Variants in RGPD2 observed in about 807,000 individuals in gnomAD.
RGPD2 encodes the protein RANBP2-like and GRIP domain-containing protein 2.
A neutral mutation model predicts 36.0 loss-of-function variants in RGPD2; 2 were observed. The observed-to-expected ratio is 0.06, with a 90% CI of 0.02 to 0.17. The LOEUF is 0.17. RGPD2 is among the 10% of genes least tolerant of loss of function. The pLI is 1.00. For missense variants in RGPD2, 40 were observed against 464.3 expected (o/e 0.09, Z 8.40); for synonymous variants, 19 against 163.8 (o/e 0.12, Z 6.75).
chr2:87,868,959 C>T, the RGPD2 span, among the ~76,000 whole-genome samples: 5 of 151,028 alleles, frequency 3.3e-5, no homozygotes, highest in African/African-American at 7.3e-5. Context: ...TGACTGAAAC[C>T]GTAACTATTG....
At chr2:87,882,216 G>A in the RGPD2 span, among the ~76,000 whole-genome samples, 2 of 151,912 alleles carry the variant, frequency 1.3e-5, no homozygotes, top group Non-Finnish European at 2.9e-5. Context: ...TTTTACTCTA[G>A]TAATTTTATT....
chr2:87,881,407 AGC>A, the RGPD2 span, among the ~76,000 whole-genome samples: 2 of 152,260 alleles, frequency 1.3e-5, no homozygotes, highest in African/African-American at 4.8e-5. Flanking sequence ...CTACTCCTGC[AGC>A]GCACTTTTTC....
the RGPD2 span, among the ~76,000 whole-genome samples, chr2:87,971,616 T>A: frequency 2.7e-5 from 4 of 147,404 alleles, no homozygotes; most frequent in Non-Finnish European, 3.0e-5. Context: ...ACTTTATGAA[T>A]AGACTGTGAT....
the RGPD2 span, among the ~76,000 whole-genome samples, chr2:87,863,810 T>G: frequency 6.6e-6 from 1 of 152,230 alleles, no homozygotes; most frequent in South Asian, 2.1e-4. Context: ...GACTTTATAT[T>G]AGTATTTAAA....
the RGPD2 span, among the ~76,000 whole-genome samples, chr2:87,961,368 T>G: frequency 9.9e-5 from 15 of 152,056 alleles, no homozygotes; most frequent in South Asian, 2.7e-3. Flanking sequence ...GCGCTCGAGC[T>G]GCACTCGGCC....
upstream of RGPD2, among the ~76,000 whole-genome samples, chr2:87,830,262 A>G (rs1401967459): frequency 2.6e-5 from 4 of 152,258 alleles, no homozygotes; most frequent in African/African-American, 9.6e-5. Context: ...GTACTTTCAC[A>G]GCATTTTCCA....
At chr2:87,830,587 C>G (rs536029282), upstream of RGPD2, among the ~76,000 whole-genome samples, 6 of 152,272 alleles carry the variant, frequency 3.9e-5, no homozygotes, top group South Asian at 1.2e-3. Flanking sequence ...TACCAATTGA[C>G]TGTATTAGCT....
At chr2:87,831,117 C>T in the RGPD2 span, among the ~76,000 whole-genome samples, 2 of 152,128 alleles carry the variant, frequency 1.3e-5, no homozygotes, top group African/African-American at 4.8e-5. Flanking sequence ...TAATTGGATT[C>T]ATGAGAAATA....
the RGPD2 span, among the ~76,000 whole-genome samples, chr2:87,900,851 G>A: frequency 6.6e-6 from 1 of 150,436 alleles, no homozygotes; most frequent in Middle Eastern, 3.4e-3. Context: ...GTGGTTAAAA[G>A]AACAAAAATA....
the RGPD2 span, among the ~76,000 whole-genome samples, chr2:87,961,356 C>G: frequency 6.6e-6 from 1 of 151,956 alleles, no homozygotes; most frequent in African/African-American, 2.4e-5. Flanking sequence ...TTGGCGACGT[C>G]GGCGCTCGAG....
the RGPD2 span, among the ~76,000 whole-genome samples, chr2:87,970,318 C>T: frequency 2.6e-5 from 4 of 151,104 alleles, no homozygotes; most frequent in East Asian, 7.8e-4. Flanking sequence ...TATATACATA[C>T]ACGTATATAT....
At chr2:87,771,698 GCA>G (rs1283231432) in intron 22 of RGPD2, among the ~76,000 whole-genome samples, 2 of 106,318 alleles carry the variant, frequency 1.9e-5, no homozygotes, top group Admixed American at 2.0e-4. Context: ...CTGGCCTATG[GCA>G]CAGTTTTAAA....
the RGPD2 span, among the ~76,000 whole-genome samples, chr2:87,900,911 T>G: frequency 1.6e-4 from 22 of 138,584 alleles, no homozygotes; most frequent in Non-Finnish European, 2.6e-4. Flanking sequence ...CCTTACCACT[T>G]TAGCTTCATC....
chr2:87,955,889 C>CT, the RGPD2 span, among the ~76,000 whole-genome samples: 180 of 498 alleles, frequency 0.36, 1 homozygote, highest in East Asian at 0.5. Flanking sequence ...TTTCTTCCTC[C>CT]TTTTTTTTTT....
At chr2:87,978,918 TA>T in the RGPD2 span, among the ~76,000 whole-genome samples, 246 of 129,528 alleles carry the variant, frequency 1.9e-3, no homozygotes, top group African/African-American at 4.0e-3. Context: ...CCCCGTCTCT[TA>T]AAAAAAAAAA....
the RGPD2 span, among the ~76,000 whole-genome samples, chr2:87,878,546 T>C: frequency 4.6e-5 from 7 of 152,330 alleles, no homozygotes; most frequent in Non-Finnish European, 8.8e-5. Context: ...TAAGTGTAAT[T>C]AGTATATCCA....
At chr2:87,860,897 C>T in the RGPD2 span, among the ~76,000 whole-genome samples, 1 of 151,388 alleles carries the variant, frequency 6.6e-6, no homozygotes, top group African/African-American at 2.4e-5. Context: ...ATATGACTAT[C>T]TTAAAATATG....
chr2:87,952,516 A>G, the RGPD2 span, among the ~76,000 whole-genome samples: 3 of 152,358 alleles, frequency 2.0e-5, no homozygotes, highest in South Asian at 2.1e-4. Flanking sequence ...TAAGATAAGT[A>G]TATGTAATTT....
the RGPD2 span, among the ~76,000 whole-genome samples, chr2:87,937,169 T>A: frequency 6.6e-6 from 1 of 151,790 alleles, no homozygotes; most frequent in African/African-American, 2.4e-5. Context: ...TGTTAGCTAA[T>A]CTGAAAGATC....
Sources: allele counts gnomAD v4.1 joint callset (sites outside exome capture counted in the v4.1 genomes callset), GRCh38; gene constraint gnomAD v4.1.1; transcripts MANE v1.5; gene names NCBI Gene and HGNC (gene_info 2026-07-23, HGNC 2026-07-21).